GPR19: variants seen among roughly 807,000 people sequenced by gnomAD.
GPR19 encodes the protein G protein-coupled receptor 19.
In GPR19, 14 loss-of-function variants were observed where a neutral mutation model predicts 28.5. The observed-to-expected ratio is 0.49, with a 90% CI of 0.32 to 0.77. The LOEUF is 0.77. Among genes scored for constraint, GPR19 ranks in the 30% least tolerant of loss-of-function variants. The pLI is 0.03. For synonymous variants in GPR19, 173 were observed against 184.1 expected (o/e 0.94, Z 0.49); for missense variants, 409 against 504.1 (o/e 0.81, Z 1.81).
At chr12:12,693,809 T>C (rs1244330597) in intron 2 of GPR19, among the ~76,000 whole-genome samples, 2 of 152,102 alleles carry the variant, frequency 1.3e-5, no homozygotes, top group Non-Finnish European at 2.9e-5. Context: ...TTTAAGCAAT[T>C]CTCCTGCCTC....
intron 3 of GPR19, among the ~76,000 whole-genome samples, chr12:12,683,017 A>G (rs1008180653): frequency 1.3e-5 from 2 of 152,146 alleles, no homozygotes; most frequent in East Asian, 3.8e-4. Context: ...AATCTATTTT[A>G]TTTTGAGAAC....
At chr12:12,663,155 C>T (rs1945705586) in intron 3 of GPR19, among the ~76,000 whole-genome samples, 2 of 152,174 alleles carry the variant, frequency 1.3e-5, no homozygotes, top group Non-Finnish European at 2.9e-5. Flanking sequence ...TAATAGCTTG[C>T]CACCTACCAG....
At chr12:12,671,277 A>G (rs1945852339) in intron 3 of GPR19, among the ~76,000 whole-genome samples, 1 of 150,072 alleles carries the variant, frequency 6.7e-6, no homozygotes, top group Non-Finnish European at 1.5e-5. Flanking sequence ...CTGCACTCCA[A>G]CCCAGACAAC....
At chr12:12,682,161 AG>A (rs1195131062) in intron 3 of GPR19, among the ~76,000 whole-genome samples, 1 of 152,226 alleles carries the variant, frequency 6.6e-6, no homozygotes, top group Non-Finnish European at 1.5e-5. Flanking sequence ...TAAGACTGTT[AG>A]GGGTGCTTCC....
upstream of GPR19, among the ~76,000 whole-genome samples, chr12:12,699,255 T>A (rs565802350): frequency 4.6e-5 from 7 of 151,982 alleles, no homozygotes; most frequent in South Asian, 1.5e-3. Flanking sequence ...GGCAGGAGAA[T>A]CACTTGAACC....
chr12:12,661,040 T>C lies in GPR19; in HGVS notation c.*161A>G. On this transcript the variant is annotated 3_prime_UTR_variant, in exon 4 of 4. Transcript: ENST00000651487. The surrounding 1 kb of genome is among the most constrained non-coding windows in gnomAD (Gnocchi z 4.2). ...CTTTTCCTAAAACATAAAAAGCAAG[T>C]AAAATAAAACCCACAAAAACTACAG... 1 of 556,790 alleles carries C rather than the reference T, an allele frequency of 1.8e-6. No homozygotes were observed. The highest frequency in any genetic ancestry group is 3.0e-6 in the Non-Finnish European group (1 of 328,088). 34.5% of individuals were successfully genotyped at this position (556,790 alleles called of 1,614,324 possible). A position where few individuals can be genotyped will look rare whatever the true frequency, so the allele number is the denominator to read the frequency against.
intron 3 of GPR19, among the ~76,000 whole-genome samples, chr12:12,667,734 C>T (rs1463950249): frequency 1.3e-5 from 2 of 151,364 alleles, no homozygotes; most frequent in Non-Finnish European, 2.9e-5. Context: ...CTGGTTACCC[C>T]TGTAATGATG....
At chr12:12,680,986 G>A (rs917252962) in intron 3 of GPR19, among the ~76,000 whole-genome samples, 2 of 152,266 alleles carry the variant, frequency 1.3e-5, no homozygotes, top group African/African-American at 4.8e-5. Flanking sequence ...ACCATGCCTG[G>A]CCTAAGGTCT....
the GPR19 span, chr12:12,717,235 A>G: frequency 3.8e-6 from 4 of 1,046,478 alleles, no homozygotes; most frequent in East Asian, 2.1e-4. Flanking sequence ...GCGCTCGGGA[A>G]CGAGGGGAGG....
At chr12:12,711,718 AG>A in the GPR19 span, among the ~76,000 whole-genome samples, 5 of 152,148 alleles carry the variant, frequency 3.3e-5, no homozygotes, top group Admixed American at 3.3e-4. Context: ...CAAGAGTTCA[AG>A]GTTATAGTCT....
chr12:12,714,825 CATT>C, the GPR19 span, among the ~76,000 whole-genome samples: 1 of 152,176 alleles, frequency 6.6e-6, no homozygotes, highest in African/African-American at 2.4e-5. Flanking sequence ...CCTGCGTTCT[CATT>C]ATTTGCTGTA....
chr12:12,671,990 G>A (rs754703836), intron 3 of GPR19, among the ~76,000 whole-genome samples: 2 of 152,298 alleles, frequency 1.3e-5, no homozygotes, highest in South Asian at 2.1e-4. Context: ...AGGACCATCA[G>A]TAACTGAGAG....
chr12:12,679,204 T>C (rs554919379), intron 3 of GPR19, among the ~76,000 whole-genome samples: 3 of 152,172 alleles, frequency 2.0e-5, no homozygotes, highest in African/African-American at 7.2e-5. Context: ...ACAGTGAACA[T>C]TTGGAAATGT....
intron 3 of GPR19, among the ~76,000 whole-genome samples, chr12:12,666,422 A>G (rs977277761): frequency 6.6e-6 from 1 of 152,178 alleles, no homozygotes; most frequent in Non-Finnish European, 1.5e-5. Context: ...AATACAGTAG[A>G]TTGGAGTCTT....
chr12:12,697,383 AAGGC>A (rs1414597136), upstream of GPR19, among the ~76,000 whole-genome samples: 2 of 151,926 alleles, frequency 1.3e-5, no homozygotes, highest in Non-Finnish European at 2.9e-5. Context: ...AACAAAAAAA[AAGGC>A]AGGCAAAGTG....
At chr12:12,703,232 A>G in the GPR19 span, 1 of 225,490 alleles carries the variant, frequency 4.4e-6, no homozygotes, top group South Asian at 1.6e-4. Context: ...AGGTTAGATT[A>G]CCCTTATATT....
chr12:12,685,576 A>C (rs1425872775), intron 2 of GPR19, among the ~76,000 whole-genome samples: 1 of 152,208 alleles, frequency 6.6e-6, no homozygotes, highest in Non-Finnish European at 1.5e-5. Flanking sequence ...TGCTGACTAA[A>C]GAAAGGAAGA....
rs530917736 is a variant in GPR19, at chr12:12,665,890, A to G, written c.-22-3420T>C. ...AAGCAGTGTGCCATATTATAACTCA[A>G]TTTGATAATAATTATAATTCACTGC... On this transcript the variant is annotated intron_variant, in intron 3 of 3. Coordinates refer to ENST00000651487, the MANE Select transcript of GPR19 (RefSeq NM_006143.3). 2.3e-4 allele frequency among the ~76,000 whole-genome samples: 35 copies of G among 151,350 alleles called. 1 individual carries two copies. In the South Asian group the frequency reaches 7.1e-3, roughly 31 times the overall value.
At chr12:12,712,197 C>G in the GPR19 span, among the ~76,000 whole-genome samples, 1 of 152,258 alleles carries the variant, frequency 6.6e-6, no homozygotes, top group African/African-American at 2.4e-5. Flanking sequence ...TCCTCCTGGG[C>G]TCAGGGTTCT....
Sources: allele counts gnomAD v4.1 joint callset (sites outside exome capture counted in the v4.1 genomes callset), GRCh38; gene constraint gnomAD v4.1.1; non-coding constraint Gnocchi (gnomAD v3.1); transcripts MANE v1.5; gene names NCBI Gene and HGNC (gene_info 2026-07-23, HGNC 2026-07-21).